Variants in CDH13 observed in about 807,000 individuals in gnomAD.
CDH13 encodes the protein cadherin 13.
A neutral mutation model predicts 63.8 loss-of-function variants in CDH13; 24 were observed. The ratio of observed to expected loss-of-function variants is 0.38; its 90% CI spans 0.27 to 0.53. The LOEUF is 0.53. Among genes scored for constraint, CDH13 ranks in the 20% least tolerant of loss-of-function variants. The pLI is 0.85. For synonymous variants in CDH13, 503 were observed against 355.3 expected (o/e 1.42, Z -4.67); for missense variants, 1,049 against 903.1 (o/e 1.16, Z -2.07).
chr16:83,545,513 G>A (rs1052295143), intron 7 of CDH13, among the ~76,000 whole-genome samples: 1 of 152,170 alleles, frequency 6.6e-6, no homozygotes, highest in Admixed American at 6.5e-5. Context: ...AAAGTCCACT[G>A]CCTGGACAAG....
At chr16:82,803,037 A>G (rs1244995780) in intron 1 of CDH13, among the ~76,000 whole-genome samples, 1 of 152,214 alleles carries the variant, frequency 6.6e-6, no homozygotes, top group Non-Finnish European at 1.5e-5. Context: ...GCTATTCTAT[A>G]GTAGAAACAG....
chr16:83,616,743 G>C (rs1000108557), intron 8 of CDH13, among the ~76,000 whole-genome samples: 1 of 152,110 alleles, frequency 6.6e-6, no homozygotes, highest in African/African-American at 2.4e-5. Flanking sequence ...GAAACGTCCA[G>C]GTCCACACTG....
intron 7 of CDH13, among the ~76,000 whole-genome samples, chr16:83,554,781 G>A (rs12445499): frequency 0.64 from 98,041 of 152,030 alleles, 31,978 homozygotes; most frequent in Non-Finnish European, 0.69. Flanking sequence ...TTTGTAGCCA[G>A]CAATAACTAC....
intron 6 of CDH13, among the ~76,000 whole-genome samples, chr16:83,383,604 T>G (rs553341058): frequency 1.3e-5 from 2 of 152,358 alleles, no homozygotes; most frequent in South Asian, 4.1e-4. Context: ...TATATCAGAA[T>G]GGACTCATGT....
At chr16:83,031,652 T>G (rs1379996144) in intron 2 of CDH13, among the ~76,000 whole-genome samples, 1 of 152,102 alleles carries the variant, frequency 6.6e-6, no homozygotes, top group Admixed American at 6.5e-5. Flanking sequence ...TCAATGGTCC[T>G]GAGCACCCTG....
intron 10 of CDH13, among the ~76,000 whole-genome samples, chr16:83,722,360 G>A (rs1909809435): frequency 6.6e-6 from 1 of 152,176 alleles, no homozygotes. Context: ...GTTATTCGTA[G>A]GGAGATGGTG....
Position 83,217,508 on chromosome 16 carries a change from C to G in CDH13, c.636+11C>G, listed in dbSNP as rs757763135. Reference sequence around the variant, plus strand: ...ATCGCTGTTTATCAAGTGAGTACCCCTCTCCCATGCCCACCCTGTGCGCAG... The same window carrying G: ...ATCGCTGTTTATCAAGTGAGTACCCGTCTCCCATGCCCACCCTGTGCGCAG... On this transcript the variant is annotated intron_variant, in intron 5 of 13. Transcript: ENST00000567109. The G allele has an allele frequency of 1.9e-6, 3 of 1,610,746 alleles. No homozygotes were observed. The highest frequency in any genetic ancestry group is 1.7e-5 in the Admixed American group (1 of 59,902).
At chr16:82,645,830 A>G (rs1038891199) in intron 1 of CDH13, among the ~76,000 whole-genome samples, 2 of 152,240 alleles carry the variant, frequency 1.3e-5, no homozygotes, top group African/African-American at 4.8e-5. Flanking sequence ...AACCAGTAAG[A>G]TGCCATGGTT....
At chr16:83,152,656 C>T (rs894063739) in intron 4 of CDH13, among the ~76,000 whole-genome samples, 1 of 152,134 alleles carries the variant, frequency 6.6e-6, no homozygotes, top group Non-Finnish European at 1.5e-5. Context: ...TAATATGGGA[C>T]TATAGGCAAA....
intron 2 of CDH13, among the ~76,000 whole-genome samples, chr16:82,875,496 A>T (rs1289243803): frequency 6.6e-6 from 1 of 152,252 alleles, no homozygotes; most frequent in East Asian, 1.9e-4. Context: ...CATGGGCTTA[A>T]GCAATGGGAA....
At chr16:83,218,804 G>A (rs2039613667) in intron 5 of CDH13, among the ~76,000 whole-genome samples, 3 of 152,166 alleles carry the variant, frequency 2.0e-5, no homozygotes, top group Admixed American at 1.3e-4. Flanking sequence ...TCATGGGAGG[G>A]ACCCAGTGGG....
At chr16:83,551,118 A>C (rs777245459) in intron 7 of CDH13, among the ~76,000 whole-genome samples, 3 of 149,168 alleles carry the variant, frequency 2.0e-5, no homozygotes, top group Admixed American at 6.7e-5. Context: ...TTCTCACTCC[A>C]TCATCCAGGC....
chr16:83,614,380 G>A (rs999179880), intron 8 of CDH13, among the ~76,000 whole-genome samples: 3 of 152,200 alleles, frequency 2.0e-5, no homozygotes, highest in Non-Finnish European at 2.9e-5. Context: ...GGCCGACCTT[G>A]CATTTCACTT....
intron 5 of CDH13, among the ~76,000 whole-genome samples, chr16:83,245,980 A>G (rs766195519): frequency 3.9e-5 from 6 of 152,186 alleles, no homozygotes; most frequent in Non-Finnish European, 7.4e-5. Context: ...CAAGCTATCC[A>G]CCTGCCTTGG....
At chr16:83,055,730 C>A (rs1053125375) in intron 3 of CDH13, among the ~76,000 whole-genome samples, 11 of 151,948 alleles carry the variant, frequency 7.2e-5, no homozygotes, top group African/African-American at 2.7e-4. Context: ...AAAAATGAAA[C>A]GCTTTCCAGC....
chr16:83,733,419 T>C (rs1420163580), intron 10 of CDH13, among the ~76,000 whole-genome samples: 1 of 152,226 alleles, frequency 6.6e-6, no homozygotes, highest in East Asian at 1.9e-4. Context: ...CTATAGACGG[T>C]TGTCTATTAG....
intron 3 of CDH13, among the ~76,000 whole-genome samples, chr16:83,121,717 A>G (rs2035583997): frequency 6.6e-6 from 1 of 152,146 alleles, no homozygotes; most frequent in Non-Finnish European, 1.5e-5. Flanking sequence ...TCCTTCATAC[A>G]GTTTTATTCT....
chr16:83,003,344 G>A (rs1913137402), intron 2 of CDH13, among the ~76,000 whole-genome samples: 1 of 151,996 alleles, frequency 6.6e-6, no homozygotes. Flanking sequence ...GTGACTCCAG[G>A]TAGCATTGCA....
At chr16:82,913,281 C>T (rs949633377) in intron 2 of CDH13, among the ~76,000 whole-genome samples, 1 of 152,130 alleles carries the variant, frequency 6.6e-6, no homozygotes, top group East Asian at 1.9e-4. Context: ...ACGTTCGATG[C>T]TGCGTTGTTC....
Sources: allele counts gnomAD v4.1 joint callset (sites outside exome capture counted in the v4.1 genomes callset), GRCh38; gene constraint gnomAD v4.1.1; transcripts MANE v1.5; gene names NCBI Gene and HGNC (gene_info 2026-07-23, HGNC 2026-07-21).